Variants in KIAA0825 observed in about 807,000 individuals in gnomAD.
KIAA0825 encodes uncharacterized protein KIAA0825.
KIAA0825 carries 119 observed loss-of-function variants against 147.6 expected under a neutral mutation model. The observed-to-expected ratio is 0.81, with a 90% CI of 0.69 to 0.94. The LOEUF is 0.94. KIAA0825 is among the 40% of genes least tolerant of loss of function. The probability of loss-of-function intolerance (pLI) is 0.00; values close to 1 mark genes in which losing one functional copy is unlikely to be tolerated. For missense variants in KIAA0825, 1,381 were observed against 1,472.7 expected (o/e 0.94, Z 1.02); for synonymous variants, 470 against 518.1 (o/e 0.91, Z 1.26).
Position 94,469,892 on chromosome 5 carries a change from A to T in KIAA0825, c.1872+69T>A, listed in dbSNP as rs1761009428. ...TAATGCCAAGCTCATGTTTCTAATT[A>T]GCCAGAAAGCAGGTACGCAGTAAAA... On this transcript the variant is annotated intron_variant, in intron 10 of 20. Transcript: ENST00000682413. The T allele has an allele frequency of 5.5e-6, 7 of 1,268,774 alleles. No homozygotes were observed. The East Asian group carries it at 1.9e-4, about 34-fold the overall frequency. 78.6% of individuals were successfully genotyped at this position (1,268,774 alleles called of 1,614,324 possible).
intron 1 of KIAA0825, among the ~76,000 whole-genome samples, chr5:94,600,869 G>C (rs1786285487): frequency 6.6e-6 from 1 of 152,124 alleles, no homozygotes; most frequent in Admixed American, 6.5e-5. Context: ...TTCCTAAATG[G>C]GGGACTCCAG....
chr5:94,193,335 CT>C (rs920382924), intron 20 of KIAA0825, among the ~76,000 whole-genome samples: 37 of 152,264 alleles, frequency 2.4e-4, no homozygotes, highest in African/African-American at 8.7e-4. Context: ...ATAATAATGG[CT>C]GTTAATTATT....
At chr5:94,382,894 C>T (rs993892081) in intron 20 of KIAA0825, among the ~76,000 whole-genome samples, 1 of 152,224 alleles carries the variant, frequency 6.6e-6, no homozygotes, top group Non-Finnish European at 1.5e-5. Context: ...AGCAGCAATT[C>T]ATGACTGAAA....
chr5:94,183,993 A>G (rs1769896154), intron 20 of KIAA0825, among the ~76,000 whole-genome samples: 1 of 152,202 alleles, frequency 6.6e-6, no homozygotes, highest in Non-Finnish European at 1.5e-5. Context: ...GAGACCCACC[A>G]CTTGTGATTG....
At chr5:94,570,819 C>CTT (rs1307152136) in intron 2 of KIAA0825, 8 of 152,364 alleles carry the variant, frequency 5.3e-5, no homozygotes, top group Admixed American at 5.2e-4. Flanking sequence ...ACTCTCTGTA[C>CTT]TTTCATGGGG....
chr5:94,307,935 G>A (rs1778854109), intron 20 of KIAA0825, among the ~76,000 whole-genome samples: 1 of 151,630 alleles, frequency 6.6e-6, no homozygotes, highest in African/African-American at 2.4e-5. Flanking sequence ...AATATTTATT[G>A]GTTGGTATTA....
chr5:94,162,843 T>TA (rs1173771798), intron 20 of KIAA0825, among the ~76,000 whole-genome samples: 1 of 152,224 alleles, frequency 6.6e-6, no homozygotes. Flanking sequence ...ACTGGCAAGA[T>TA]ATCTGTTGAT....
At chr5:94,553,521 T>C (rs1775946946) in intron 2 of KIAA0825, among the ~76,000 whole-genome samples, 1 of 151,442 alleles carries the variant, frequency 6.6e-6, no homozygotes. Flanking sequence ...CCCCAGCAAT[T>C]TGGGAGGCCA....
intron 3 of KIAA0825, among the ~76,000 whole-genome samples, chr5:94,533,649 G>A (rs2151312805): frequency 6.6e-6 from 1 of 152,306 alleles, no homozygotes; most frequent in South Asian, 2.1e-4. Flanking sequence ...GTACCACTCA[G>A]TTCATTAGTG....
intron 20 of KIAA0825, among the ~76,000 whole-genome samples, chr5:94,378,450 G>T (rs187660031): frequency 1.1e-3 from 162 of 152,180 alleles, no homozygotes; most frequent in African/African-American, 3.6e-3. Context: ...CTTTTTTATG[G>T]CTATGTAGTA....
At chr5:94,417,940 T>C (rs1398859044) in intron 14 of KIAA0825, among the ~76,000 whole-genome samples, 1 of 152,166 alleles carries the variant, frequency 6.6e-6, no homozygotes. Flanking sequence ...TCAACAAAAA[T>C]TGGGCCATTT....
chr5:94,608,158 A>T (rs533482371), intron 1 of KIAA0825, among the ~76,000 whole-genome samples: 1 of 151,794 alleles, frequency 6.6e-6, no homozygotes, highest in African/African-American at 2.4e-5. Context: ...CCTGCCTACC[A>T]CAGTACTCAT....
intron 14 of KIAA0825, among the ~76,000 whole-genome samples, chr5:94,417,861 C>A (rs1478710558): frequency 6.6e-6 from 1 of 152,114 alleles, no homozygotes; most frequent in Non-Finnish European, 1.5e-5. Context: ...TTTCTTAAAT[C>A]CACAGACCTT....
intron 2 of KIAA0825, among the ~76,000 whole-genome samples, 172 bp downstream of exon 2, chr5:94,582,261 T>C (rs904630743): frequency 5.3e-5 from 8 of 152,166 alleles, no homozygotes; most frequent in East Asian, 1.9e-4. Flanking sequence ...TTCCCTAACA[T>C]TGGAGATCAG....
intron 12 of KIAA0825, among the ~76,000 whole-genome samples, chr5:94,458,263 T>C (rs1008234535): frequency 1.3e-5 from 2 of 152,222 alleles, no homozygotes; most frequent in Non-Finnish European, 2.9e-5. Flanking sequence ...TCTTTGAGGT[T>C]AGCAAATGAT....
intron 13 of KIAA0825, among the ~76,000 whole-genome samples, chr5:94,444,330 A>G (rs1483293674): frequency 1.3e-5 from 2 of 152,152 alleles, no homozygotes; most frequent in Non-Finnish European, 2.9e-5. Flanking sequence ...TATCAGGCAA[A>G]GAAAGGAATT....
chr5:94,236,764 T>C (rs1424930203), intron 20 of KIAA0825, among the ~76,000 whole-genome samples: 1 of 152,182 alleles, frequency 6.6e-6, no homozygotes, highest in African/African-American at 2.4e-5. Flanking sequence ...AGCTGTCAAC[T>C]TCGAGACAAG....
chr5:94,570,793 G>T (rs1249401101), intron 2 of KIAA0825: 1 of 152,336 alleles, frequency 6.6e-6, no homozygotes, highest in African/African-American at 2.4e-5. Context: ...CCAAAGCTAA[G>T]ATTCTAATTT....
intron 20 of KIAA0825, among the ~76,000 whole-genome samples, chr5:94,261,370 T>C (rs1776486438): frequency 2.0e-5 from 3 of 152,126 alleles, no homozygotes; most frequent in Non-Finnish European, 4.4e-5. Flanking sequence ...AATCTTTCCA[T>C]AATGTTATTG....
Sources: gnomAD v4.1 joint callset for allele counts (sites outside exome capture counted in the v4.1 genomes callset) on GRCh38, gnomAD v4.1.1 for gene constraint, MANE v1.5 for transcripts, NCBI Gene and HGNC (gene_info 2026-07-23, HGNC 2026-07-21) for gene names.